CXCL16: variants seen among roughly 807,000 people sequenced by gnomAD.
CXCL16 encodes the protein C-X-C motif chemokine 16.
Under a neutral mutation model 23.8 loss-of-function variants are expected in CXCL16, and 18 were observed. The observed-to-expected ratio is 0.76, with a 90% CI of 0.52 to 1.12. The LOEUF (loss-of-function observed/expected upper bound fraction) is 1.12. Ranked by LOEUF, CXCL16 falls within the 50% of genes most tolerant of loss-of-function variation. The pLI is 0.00. For missense variants in CXCL16, 297 were observed against 315.4 expected, an observed-to-expected ratio of 0.94 and a Z score of 0.44; for synonymous variants, 123 against 132.5, an observed-to-expected ratio of 0.93 and a Z score of 0.49.
At position 4,738,443 on chromosome 17, in the gene CXCL16, C is replaced by T; in HGVS notation, c.266G>A (p.Trp89Ter). 1.9e-6 allele frequency: 3 copies of T among 1,614,142 alleles called. No individual in the cohort carries two copies. Among genetic ancestry groups the T allele is most frequent in the Non-Finnish European group, 2.5e-6 (3 of 1,179,972 alleles). ...WSVCGGNKDP[W>*]VQELMSCLDL... ...AAGACAGCTCATCAATTCCTGAACCCATGGGTCCTTGTTGCCCCCACACAC... is the reference window on the plus strand; with the variant it reads ...AAGACAGCTCATCAATTCCTGAACCTATGGGTCCTTGTTGCCCCCACACAC... The change falls in exon 3 of 6, where the codon TGG (tryptophan) becomes TAG (stop). Residue 89 changes from tryptophan to a stop codon, truncating the protein, a stop_gained. Coordinates refer to ENST00000293778, the MANE Select transcript of CXCL16 (RefSeq NM_001386809.1). LOFTEE classifies it high-confidence loss of function. This position sits in a 1 kb window ranked among gnomAD's most constrained non-coding sequence, Gnocchi z 4.0.
rs763545891 is a variant in CXCL16, at chr17:4,738,510, G to A, written c.219-20C>T. 5.7e-6 allele frequency: 9 copies of A among 1,584,562 alleles called. No individual in the cohort carries two copies. The South Asian group carries it at 1.0e-4, about 18-fold the overall frequency. On this transcript the variant is annotated intron_variant, in intron 2 of 5. Transcript: ENST00000293778. The surrounding 1 kb of genome is among the most constrained non-coding windows in gnomAD (Gnocchi z 4.0). ...TGGAACCTGCGGAGGAGAGACCTGGGCTTAGCTGCGGCGCCTTCTTTCCTT... is the reference window on the plus strand; with the variant it reads ...TGGAACCTGCGGAGGAGAGACCTGGACTTAGCTGCGGCGCCTTCTTTCCTT...
Position 4,739,436 on chromosome 17 carries a change from T to G in CXCL16, c.-97A>C. The G allele has an allele frequency of 6.3e-7, 1 of 1,584,156 alleles. No individual in the cohort carries two copies. Among genetic ancestry groups the G allele is most frequent in the Non-Finnish European group, 8.6e-7 (1 of 1,161,594 alleles). ...CGTCCAGCTGGTGTCTCAATGGCTT[T>G]CGCCGGGGACCGGAGGAGACGGCGG... On this transcript the variant is annotated 5_prime_UTR_variant, in exon 1 of 6. Coordinates refer to ENST00000293778, the MANE Select transcript of CXCL16 (RefSeq NM_001386809.1). This position sits in a 1 kb window ranked among gnomAD's most constrained non-coding sequence, Gnocchi z 5.3.
Position 4,735,488 on chromosome 17 carries a change from C to G in CXCL16, c.322G>C (p.Gly108Arg), listed in dbSNP as rs1226874926. 1.3e-6 allele frequency: 2 copies of G among 1,506,136 alleles called. No homozygotes were observed. The highest frequency in any genetic ancestry group is 2.7e-5 in the South Asian group (2 of 73,894). The allele number at this position is 1,506,136 out of a possible 1,614,324, so 93.3% of individuals were successfully genotyped here. A position where few individuals can be genotyped will look rare whatever the true frequency, so the allele number is the denominator to read the frequency against. Residue 108 changes from glycine (G) to arginine (R), a missense_variant, in exon 4 of 6, where the codon GGG becomes CGG. Gly to Arg is a moderately radical substitution (Grantham distance 125). Coordinates refer to ENST00000293778, the MANE Select transcript of CXCL16 (RefSeq NM_001386809.1). ...AAATGCTTCTGGTGGGCCACAATCC[C>G]CGAGTAAGCATGTCCACATTCTGGA... ...DLKECGHAYS[G>R]IVAHQKHLLP...
intron 4 of CXCL16, among the ~76,000 whole-genome samples, 168 bp downstream of exon 4, chr17:4,734,924 A>ACAGTCCC (rs1358575234): frequency 6.6e-6 from 1 of 152,096 alleles, no homozygotes; most frequent in Admixed American, 6.6e-5. Flanking sequence ...TCCACTGTCT[A>ACAGTCCC]CAGTCCCCGA....
chr17:4,734,991 G>A (rs1916107388), intron 4 of CXCL16, 101 bp downstream of exon 4: 4 of 1,147,888 alleles, frequency 3.5e-6, no homozygotes, highest in African/African-American at 1.5e-5. Context: ...TGATACTTGT[G>A]TGCCAAGGCC....
chr17:4,734,435 TGACTC>T lies in CXCL16; in HGVS notation c.*63_*67del. On this transcript the variant is annotated 3_prime_UTR_variant, in exon 6 of 6. Transcript: ENST00000293778. The stretch of plus-strand genomic sequence containing the variant: ...CAGAGGCCAAGGTGGGAGGATCACT[TGACTC>T]AGGAGTTCCATAACAGCCTGGGCAA... 1 of 535,270 alleles carries T rather than the reference TGACTC, an allele frequency of 1.9e-6. No individual in the cohort carries two copies. Among genetic ancestry groups the T allele is most frequent in the Non-Finnish European group, 3.4e-6 (1 of 292,826 alleles). 33.2% of individuals were successfully genotyped at this position (535,270 alleles called of 1,614,324 possible).
Position 4,738,366 on chromosome 17 carries a change from A to G in CXCL16, c.301+42T>C. The G allele has an allele frequency of 6.7e-7, 1 of 1,500,704 alleles. No individual in the cohort carries two copies. The highest frequency in any genetic ancestry group is 9.3e-7 in the Non-Finnish European group (1 of 1,076,486). 93.0% of individuals were successfully genotyped at this position (1,500,704 alleles called of 1,614,324 possible). The stretch of plus-strand genomic sequence containing the variant: ...GAAAACTGTCAGGTGGAAGCTGCTA[A>G]GCCCTGGAGGCAGAGCCTGAAGAGC... On this transcript the variant is annotated intron_variant, in intron 3 of 5. Coordinates refer to ENST00000293778, the MANE Select transcript of CXCL16 (RefSeq NM_001386809.1). This position sits in a 1 kb window ranked among gnomAD's most constrained non-coding sequence, Gnocchi z 4.0.
rs2304973 is a variant in CXCL16, at chr17:4,738,927, G to A, written c.80-7C>T. The stretch of plus-strand genomic sequence containing the variant: ...CTGCCCTCGTTGCCATTGCCTGCGC[G>A]GGACGGAGGTGGTCGGCACCCATTC... On this transcript the variant is annotated splice_polypyrimidine_tract_variant and splice_region_variant and intron_variant, in intron 1 of 5. Coordinates refer to ENST00000293778, the MANE Select transcript of CXCL16 (RefSeq NM_001386809.1). The surrounding 1 kb of genome is among the most constrained non-coding windows in gnomAD (Gnocchi z 4.0). 0.087 allele frequency: 140,319 copies of A among 1,612,952 alleles called. 7,133 individuals carry two copies. The highest frequency in any genetic ancestry group is 0.19 in the South Asian group (16,910 of 90,986).
intron 4 of CXCL16, 52 bp from the exon 5 acceptor site, chr17:4,734,704 T>A: frequency 6.8e-7 from 1 of 1,480,952 alleles, no homozygotes; most frequent in Non-Finnish European, 9.4e-7. Flanking sequence ...AGGACAGTGT[T>A]TGGGGGATGA....
chr17:4,738,063 G>C lies in CXCL16; in HGVS notation c.301+345C>G, dbSNP rs1209701862. On this transcript the variant is annotated intron_variant, in intron 3 of 5. Coordinates refer to ENST00000293778, the MANE Select transcript of CXCL16 (RefSeq NM_001386809.1). This position sits in a 1 kb window ranked among gnomAD's most constrained non-coding sequence, Gnocchi z 4.0. ...GAGAATCTCTTGAACCTGGGAGGCA[G>C]AGGTTGCAGTGAGCCAAGATCGTGC... is the stretch of plus-strand genomic sequence containing the variant. 9.0e-6 allele frequency among the ~76,000 whole-genome samples: 1 copy of C among 111,168 alleles called. No individual in the cohort carries two copies. The highest frequency in any genetic ancestry group is 2.1e-5 in the Non-Finnish European group (1 of 48,180). 72.9% of individuals were successfully genotyped at this position (111,168 alleles called of 152,430 possible).
Position 4,735,307 on chromosome 17 carries a change from T to C in CXCL16, c.503A>G (p.Asn168Ser), listed in dbSNP as rs368250645. 233 of 1,613,936 alleles carry C rather than the reference T, an allele frequency of 1.4e-4. 1 individual carries two copies. The South Asian group carries it at 2.2e-3, about 16-fold the overall frequency. The change falls in exon 4 of 6, where the codon AAT becomes AGT. Residue 168 changes from asparagine to serine, a missense_variant. Asn to Ser is a conservative substitution (Grantham distance 46). Coordinates refer to ENST00000293778, the MANE Select transcript of CXCL16 (RefSeq NM_001386809.1). ...GCCCGCAGTGTGAATGGTGGTTTCA[T>C]TGGGACGAGTGAGCTCTTTGTCCGA... ...LSSDKELTRP[N>S]ETTIHTAGHS...
chr17:4,738,582 A>G lies in CXCL16; in HGVS notation c.219-92T>C. The G allele has an allele frequency of 8.9e-7, 1 of 1,124,040 alleles. No individual in the cohort carries two copies. The highest frequency in any genetic ancestry group is 1.3e-6 in the Non-Finnish European group (1 of 771,386). 69.6% of individuals were successfully genotyped at this position (1,124,040 alleles called of 1,614,324 possible). ...AGAGGCGTGAAGTTGCCACCAAGAA[A>G]GAGCCCTTTCTCCTGGGACTGGGAA... On this transcript the variant is annotated intron_variant, in intron 2 of 5. Transcript: ENST00000293778. This position sits in a 1 kb window ranked among gnomAD's most constrained non-coding sequence, Gnocchi z 4.0.
intron 4 of CXCL16, 73 bp from the exon 5 acceptor site, chr17:4,734,725 T>C: frequency 1.6e-6 from 2 of 1,265,440 alleles, no homozygotes. Context: ...TAGCTTGAAC[T>C]AGGGAATCAG....
rs141216395 is a variant in CXCL16 at position 4,735,096 on chromosome 17, A to T, written c.714T>A (p.Ser238=). 6.2e-6 allele frequency: 10 copies of T among 1,603,920 alleles called. No homozygotes were observed. Among genetic ancestry groups the T allele is most frequent in the Non-Finnish European group, 8.5e-6 (10 of 1,172,548 alleles). The change falls in exon 4 of 6, where the codon TCT becomes TCA. Residue 238 remains serine (S), a synonymous_variant. Coordinates refer to ENST00000293778, the MANE Select transcript of CXCL16 (RefSeq NM_001386809.1). The part of the protein sequence containing the change: ...KRRRGQSPQS[S]PDLPVHYIPV... ...GGGTTCAAAGGTCCAGTTTACCTGG[A>T]GAGGACTGCGGTGACTGCCCCCTCC... is the stretch of plus-strand genomic sequence containing the variant.
rs755209328 is a variant in CXCL16, at chr17:4,735,177, G to A, written c.633C>T (p.Leu211=). Residue 211 remains leucine (L), a synonymous_variant, in exon 4 of 6, where the codon CTC becomes CTT. Transcript: ENST00000293778. ...RTSATVPVLC[L]LAIIFILTAA... is the part of the protein sequence containing the mutation. ...CGGTGAGGATGAAGATGATGGCCAG[G>A]AGGCACAGGACTGGCACTGTGGCTG... 1.5e-5 allele frequency: 24 copies of A among 1,614,022 alleles called. No individual in the cohort carries two copies. The highest frequency in any genetic ancestry group is 1.5e-5 in the Non-Finnish European group (18 of 1,180,040).
At chr17:4,735,754 G>A (rs1326408014) in intron 3 of CXCL16, among the ~76,000 whole-genome samples, 2 of 152,126 alleles carry the variant, frequency 1.3e-5, no homozygotes, top group African/African-American at 2.4e-5. Context: ...TAGGCTTGCT[G>A]TGAAGAATGG....
intron 4 of CXCL16, 45 bp downstream of exon 4, chr17:4,735,047 G>A: frequency 6.5e-7 from 1 of 1,548,784 alleles, no homozygotes; most frequent in Non-Finnish European, 8.7e-7. Flanking sequence ...TGCCTGTCAG[G>A]AAGGCTCTGG....
Position 4,738,810 on chromosome 17 carries a change from C to G in CXCL16, c.190G>C (p.Ala64Pro). 1 of 1,614,154 alleles carries G rather than the reference C, an allele frequency of 6.2e-7. No homozygotes were observed. Among genetic ancestry groups the G allele is most frequent in the Non-Finnish European group, 8.5e-7 (1 of 1,179,978 alleles). ...GTGTAGTATAGACACCGATGGTAAG[C>G]TCTCAGGTGTTTCCGGAGACGATTC... The part of the protein sequence containing the change: ...FMNRLRKHLR[A>P]YHRCLYYTRF... The change falls in exon 2 of 6, where the codon GCT becomes CCT. Residue 64 changes from alanine (A) to proline (P), a missense_variant. Transcript: ENST00000293778. The surrounding 1 kb of genome is among the most constrained non-coding windows in gnomAD (Gnocchi z 4.0).
Position 4,739,809 on chromosome 17 carries a change from C to A in CXCL16, c.-470G>T, listed in dbSNP as rs1299005231. Reference sequence around the variant, plus strand: ...TCCTCCTCCGAGGCACTTTCACTTCCCCGATCCGGGCGCCGCGGGACCCAG... The same window carrying A: ...TCCTCCTCCGAGGCACTTTCACTTCACCGATCCGGGCGCCGCGGGACCCAG... On this transcript the variant is annotated 5_prime_UTR_variant, in exon 1 of 6. An upstream open reading frame in the 5' UTR gains an earlier in-frame stop. Coordinates refer to ENST00000293778, the MANE Select transcript of CXCL16 (RefSeq NM_001386809.1). This position sits in a 1 kb window ranked among gnomAD's most constrained non-coding sequence, Gnocchi z 5.3. The A allele has an allele frequency of 4.0e-6, 4 of 1,001,304 alleles. No individual in the cohort carries two copies. The highest frequency in any genetic ancestry group is 4.8e-6 in the Non-Finnish European group (4 of 840,090). 62.0% of individuals were successfully genotyped at this position (1,001,304 alleles called of 1,614,324 possible).
Sources: allele counts gnomAD v4.1 joint callset (sites outside exome capture counted in the v4.1 genomes callset), GRCh38; gene constraint gnomAD v4.1.1; non-coding constraint Gnocchi (gnomAD v3.1); transcripts MANE v1.5; gene names NCBI Gene and HGNC (gene_info 2026-07-23, HGNC 2026-07-21).